FAM227B: variants seen among roughly 807,000 people sequenced by gnomAD.
FAM227B encodes family with sequence similarity 227 member B, also known as protein FAM227B.
FAM227B carries 88 observed loss-of-function variants against 73.8 expected under a neutral mutation model. That is an observed-to-expected ratio of 1.19 (90% CI 1.00 to 1.42). The LOEUF is 1.42. FAM227B is among the 40% of genes most tolerant of loss of function. The pLI is 0.00. For synonymous variants in FAM227B, 210 were observed against 190.5 expected, an observed-to-expected ratio of 1.10 and a Z score of -0.84; for missense variants, 632 against 590.9, an observed-to-expected ratio of 1.07 and a Z score of -0.72.
At chr15:49,329,400 C>A in intron 15 of FAM227B, 1 of 985,116 alleles carries the variant, frequency 1.0e-6, no homozygotes, top group South Asian at 4.7e-5. Context: ...GGTTTTATGG[C>A]ATGAATTATC....
chr15:49,471,674 T>C (rs1167539242), intron 11 of FAM227B, among the ~76,000 whole-genome samples: 2 of 152,040 alleles, frequency 1.3e-5, no homozygotes, highest in East Asian at 1.9e-4. Context: ...TCTGGTCTTT[T>C]TGAGAGTGAC....
intron 11 of FAM227B, among the ~76,000 whole-genome samples, chr15:49,393,857 T>G (rs773972292): frequency 3.3e-5 from 5 of 152,170 alleles, no homozygotes; most frequent in Admixed American, 1.3e-4. Flanking sequence ...GGAGAAGGAC[T>G]GAGTTCTAGT....
In FAM227B at chr15:49,590,866, C is replaced by T. The variant is rs897537841; in HGVS notation, c.106-859G>A. On this transcript the variant is annotated intron_variant, in intron 3 of 15. Coordinates refer to ENST00000299338, the MANE Select transcript of FAM227B (RefSeq NM_152647.3). ...TAAGACTCCATTCTACTCTCTGCTC[C>T]TATGAGTTCCATTTTTATACATTCC... 5.3e-5 allele frequency among the ~76,000 whole-genome samples: 8 copies of T among 152,160 alleles called. No individual in the cohort carries two copies. In the South Asian group the frequency reaches 1.5e-3, roughly 28 times the overall value.
chr15:49,372,535 C>A (rs1396218420), intron 11 of FAM227B, among the ~76,000 whole-genome samples: 1 of 152,182 alleles, frequency 6.6e-6, no homozygotes, highest in Non-Finnish European at 1.5e-5. Context: ...TTTCCATATT[C>A]TGACAATACA....
chr15:49,583,274 A>G (rs2075930528), intron 5 of FAM227B, among the ~76,000 whole-genome samples: 1 of 152,112 alleles, frequency 6.6e-6, no homozygotes. Context: ...AATCAAATAA[A>G]CACAATCAGA....
At chr15:49,394,638 GT>G (rs1391080599) in intron 11 of FAM227B, among the ~76,000 whole-genome samples, 3 of 152,258 alleles carry the variant, frequency 2.0e-5, no homozygotes, top group South Asian at 2.1e-4. Flanking sequence ...CTTTAATTAG[GT>G]TTGCGGCTTT....
chr15:49,357,484 G>C (rs1017890335), intron 13 of FAM227B, among the ~76,000 whole-genome samples: 34 of 152,098 alleles, frequency 2.2e-4, no homozygotes, highest in Middle Eastern at 3.2e-3. Context: ...AGAAAATCTA[G>C]AAGAAATAAT....
At chr15:49,521,445 G>T (rs769668072) in intron 10 of FAM227B, among the ~76,000 whole-genome samples, 7 of 152,194 alleles carry the variant, frequency 4.6e-5, no homozygotes, top group Non-Finnish European at 8.8e-5. Flanking sequence ...CATGGAGGGG[G>T]TTCATCTCTT....
intron 11 of FAM227B, among the ~76,000 whole-genome samples, chr15:49,436,101 T>C (rs1156261846): frequency 6.6e-6 from 1 of 151,558 alleles, no homozygotes; most frequent in Non-Finnish European, 1.5e-5. Context: ...GCTTAATAAG[T>C]TTGCTGGTAT....
intron 11 of FAM227B, among the ~76,000 whole-genome samples, chr15:49,450,859 G>A (rs1449321625): frequency 3.9e-5 from 6 of 152,090 alleles, no homozygotes; most frequent in Non-Finnish European, 7.4e-5. Context: ...AAGCTGCCCA[G>A]TTATTCTTTT....
intron 11 of FAM227B, chr15:49,484,693 T>C: frequency 2.5e-6 from 1 of 403,136 alleles, no homozygotes; most frequent in Non-Finnish European, 4.4e-6. Flanking sequence ...AAAGAAAGAT[T>C]TGAAAAGTAT....
chr15:49,612,530 C>T (rs547163978), intron 2 of FAM227B, among the ~76,000 whole-genome samples: 22 of 152,130 alleles, frequency 1.4e-4, no homozygotes, highest in African/African-American at 2.9e-4. Context: ...AATAAGTACT[C>T]GCAGTGTGCA....
At chr15:49,454,878 G>C (rs574867219) in intron 11 of FAM227B, among the ~76,000 whole-genome samples, 70 of 152,242 alleles carry the variant, frequency 4.6e-4, no homozygotes, top group African/African-American at 1.5e-3. Context: ...CAAAGTGCTG[G>C]GATTACAGGT....
At chr15:49,456,771 A>C (rs1376822939) in intron 11 of FAM227B, among the ~76,000 whole-genome samples, 1 of 152,102 alleles carries the variant, frequency 6.6e-6, no homozygotes, top group East Asian at 1.9e-4. Context: ...TGAACAGGGT[A>C]TTGACAGGTG....
At chr15:49,599,322 T>A (rs750291503) in intron 3 of FAM227B, among the ~76,000 whole-genome samples, 2 of 152,096 alleles carry the variant, frequency 1.3e-5, no homozygotes, top group African/African-American at 2.4e-5. Context: ...TTTATTTGAA[T>A]CTTTCTTCTT....
rs1342305320 is a variant in FAM227B at position 49,514,967 on chromosome 15, C to T, written c.875-6619G>A. Reference sequence around the variant, plus strand: ...ATTTGAATCAAAGTTTATTTTTCAACTTATGAATAGCCACGAGCTCCAGGA... The same window carrying T: ...ATTTGAATCAAAGTTTATTTTTCAATTTATGAATAGCCACGAGCTCCAGGA... On this transcript the variant is annotated intron_variant, in intron 10 of 15. Transcript: ENST00000299338. 2.6e-5 allele frequency among the ~76,000 whole-genome samples: 4 copies of T among 152,088 alleles called. 1 individual carries two copies. Among genetic ancestry groups the T allele is most frequent in the African/African-American group, 9.7e-5 (4 of 41,446 alleles).
chr15:49,614,889 T>C (rs2078189535), intron 2 of FAM227B: 2 of 486,134 alleles, frequency 4.1e-6, no homozygotes, highest in East Asian at 6.4e-5. Context: ...GTCAGGGAGA[T>C]GGATTTGAGA....
intron 2 of FAM227B, among the ~76,000 whole-genome samples, chr15:49,612,644 T>A: frequency 6.6e-6 from 1 of 152,012 alleles, no homozygotes; most frequent in Non-Finnish European, 1.5e-5. Context: ...AAGGCAAAAA[T>A]AAGAGGAATT....
intron 11 of FAM227B, among the ~76,000 whole-genome samples, chr15:49,405,568 T>G (rs1333411050): frequency 6.6e-6 from 1 of 152,212 alleles, no homozygotes; most frequent in Non-Finnish European, 1.5e-5. Context: ...GTGATCACAT[T>G]GTAAAATTAT....
Sources: gnomAD v4.1 joint callset for allele counts (sites outside exome capture counted in the v4.1 genomes callset) on GRCh38, gnomAD v4.1.1 for gene constraint, MANE v1.5 for transcripts, NCBI Gene and HGNC (gene_info 2026-07-23, HGNC 2026-07-21) for gene names.